SNX13: variants seen among roughly 807,000 people sequenced by gnomAD.
The protein encoded by SNX13 is sorting nexin-13.
SNX13 carries 45 observed loss-of-function variants against 133.6 expected under a neutral mutation model. The ratio of observed to expected loss-of-function variants is 0.34; its 90% confidence interval spans 0.27 to 0.43. The LOEUF (loss-of-function observed/expected upper bound fraction) is 0.43, where lower values mean the gene tolerates loss of function less well. Ranked by LOEUF, SNX13 falls within the 20% of genes least tolerant of loss-of-function variation. The probability of loss-of-function intolerance (pLI) is 1.00; values close to 1 mark genes in which losing one functional copy is unlikely to be tolerated. For synonymous variants in SNX13, 414 were observed against 373.9 expected, an observed-to-expected ratio of 1.11 and a Z score of -1.24; for missense variants, 1,032 against 1,145.1, an observed-to-expected ratio of 0.90 and a Z score of 1.43.
At chr7:17,846,173 T>C (rs1790498588) in intron 11 of SNX13, among the ~76,000 whole-genome samples, 1 of 152,132 alleles carries the variant, frequency 6.6e-6, no homozygotes, top group South Asian at 2.1e-4. Flanking sequence ...TGTGTTTTTT[T>C]TCCAGACTCT....
intron 1 of SNX13, among the ~76,000 whole-genome samples, chr7:17,935,370 G>C (rs1801898422): frequency 6.6e-6 from 1 of 152,178 alleles, no homozygotes; most frequent in Admixed American, 6.5e-5. Context: ...GGAGAAGAGG[G>C]AGCAATGGGG....
chr7:17,882,219 C>T (rs554383745), intron 5 of SNX13: 1 of 152,126 alleles, frequency 6.6e-6, no homozygotes. Context: ...CTGGAGTAGG[C>T]AAACAATTGT....
At chr7:17,799,196 T>A (rs1784370906) in intron 22 of SNX13, 42 bp from the exon 23 acceptor site, 1 of 1,512,840 alleles carries the variant, frequency 6.6e-7, no homozygotes, top group African/African-American at 1.4e-5. Flanking sequence ...GAGTTAGCTA[T>A]CTACTATGAA....
At chr7:17,889,118 C>T (rs1361353827) in intron 5 of SNX13, 1 of 160,554 alleles carries the variant, frequency 6.2e-6, no homozygotes, top group Non-Finnish European at 1.4e-5. Flanking sequence ...ATACCTAACA[C>T]TCAATAATGG....
chr7:17,888,905 A>C (rs1206922310), intron 5 of SNX13: 2 of 266,360 alleles, frequency 7.5e-6, no homozygotes, highest in Non-Finnish European at 1.5e-5. Context: ...GTGGAGCTAG[A>C]ATGCAAACTC....
intron 15 of SNX13, 61 bp from the exon 16 acceptor site, chr7:17,830,108 A>C: frequency 1.4e-6 from 2 of 1,383,792 alleles, no homozygotes; most frequent in Admixed American, 4.6e-5. Flanking sequence ...TGCTTTATCT[A>C]AGGTTCAAAC....
chr7:17,909,893 A>G (rs367634645), intron 1 of SNX13, among the ~76,000 whole-genome samples: 18 of 152,340 alleles, frequency 1.2e-4, no homozygotes, highest in African/African-American at 4.3e-4. Flanking sequence ...GACATATTTG[A>G]ATAGTATTTA....
At chr7:17,794,535 A>G in intron 25 of SNX13, 1 of 401,244 alleles carries the variant, frequency 2.5e-6, no homozygotes. Context: ...GAGATAAAAA[A>G]TAAAAAACAG....
intron 13 of SNX13, among the ~76,000 whole-genome samples, chr7:17,835,743 A>G (rs1343154043): frequency 2.0e-5 from 3 of 149,680 alleles, no homozygotes; most frequent in African/African-American, 4.9e-5. Flanking sequence ...AAGAAAGGAG[A>G]AAAAAAAAGT....
intron 5 of SNX13, chr7:17,889,400 C>T (rs1796374919): frequency 6.6e-6 from 1 of 151,978 alleles, no homozygotes; most frequent in African/African-American, 2.4e-5. Flanking sequence ...GCTTTATAAT[C>T]AATGGAGATA....
chr7:17,830,662 G>C (rs1788387869), intron 15 of SNX13: 1 of 982,132 alleles, frequency 1.0e-6, no homozygotes, highest in South Asian at 4.7e-5. Context: ...GAGAGAATAA[G>C]TCAATGCTGG....
At chr7:17,829,776 T>C (rs1583396057) in intron 16 of SNX13, among the ~76,000 whole-genome samples, 1 of 151,298 alleles carries the variant, frequency 6.6e-6, no homozygotes, top group Admixed American at 6.6e-5. Context: ...AAAGCAATTA[T>C]GCAGGTATAA....
intron 21 of SNX13, among the ~76,000 whole-genome samples, chr7:17,803,058 A>G (rs1441742233): frequency 6.6e-6 from 1 of 152,210 alleles, no homozygotes; most frequent in Non-Finnish European, 1.5e-5. Flanking sequence ...AGTGAATACT[A>G]GTATAACTCA....
Position 17,834,075 on chromosome 7 carries a change from C to T in SNX13, c.1574G>A (p.Arg525Lys). 6.3e-7 allele frequency: 1 copy of T among 1,579,386 alleles called. No individual in the cohort carries two copies. The highest frequency in any genetic ancestry group is 1.3e-5 in the African/African-American group (1 of 74,390). ...ACCTCCATCCCCATCATCGGATCCT[C>T]TGAAACTAGGATCTTTTAACATGTC... ...ELDMLKDPSF[R>K]GSDDGDGESF... The change falls in exon 15 of 26, where the codon AGA becomes AAA. Residue 525 changes from arginine (R) to lysine (K), a missense_variant. By Grantham distance (26) the Arg-to-Lys change is conservative. Transcript: ENST00000428135.
intron 21 of SNX13, among the ~76,000 whole-genome samples, chr7:17,802,959 G>T (rs1394588465): frequency 6.6e-6 from 1 of 152,064 alleles, no homozygotes; most frequent in Non-Finnish European, 1.5e-5. Flanking sequence ...TGAGCCCAGA[G>T]ATTGATGGTA....
chr7:17,923,108 T>A (rs1430123615), intron 1 of SNX13, among the ~76,000 whole-genome samples: 2 of 152,182 alleles, frequency 1.3e-5, no homozygotes, highest in Non-Finnish European at 2.9e-5. Context: ...AATATTTAAG[T>A]GAAGGCATTA....
In SNX13 at chr7:17,940,376, C is replaced by G; in HGVS notation, c.-81G>C. The stretch of plus-strand genomic sequence containing the variant: ...TAGCAGCAGCGAAAACTGCTCGGGC[C>G]GCCGCCAACGGCGGCAACTGCTCCT... On this transcript the variant is annotated 5_prime_UTR_variant, in exon 1 of 26. Coordinates refer to ENST00000428135, the MANE Select transcript of SNX13 (RefSeq NM_015132.5). 1 of 1,506,782 alleles carries G rather than the reference C, an allele frequency of 6.6e-7. No homozygotes were observed. Among genetic ancestry groups the G allele is most frequent in the Non-Finnish European group, 9.0e-7 (1 of 1,108,332 alleles). 93.3% of individuals were successfully genotyped at this position (1,506,782 alleles called of 1,614,324 possible).
At chr7:17,804,317 C>G (rs549982612) in intron 20 of SNX13, among the ~76,000 whole-genome samples, 14 of 152,000 alleles carry the variant, frequency 9.2e-5, no homozygotes, top group Non-Finnish European at 2.1e-4. Context: ...AGATACTGAA[C>G]AGAAAACAGG....
At chr7:17,925,703 T>C (rs774727100) in intron 1 of SNX13, among the ~76,000 whole-genome samples, 2 of 152,032 alleles carry the variant, frequency 1.3e-5, no homozygotes, top group African/African-American at 4.8e-5. Flanking sequence ...GGCACTATCA[T>C]AGACCAGGCC....
Sources: allele counts gnomAD v4.1 joint callset (sites outside exome capture counted in the v4.1 genomes callset), GRCh38; gene constraint gnomAD v4.1.1; transcripts MANE v1.5; gene names NCBI Gene and HGNC (gene_info 2026-07-23, HGNC 2026-07-21).